CLSTN2: variants seen among roughly 807,000 people sequenced by gnomAD.
CLSTN2 encodes calsyntenin 2, also known as calsyntenin-2.
A neutral mutation model predicts 101.2 loss-of-function variants in CLSTN2; 48 were observed. The observed-to-expected ratio is 0.47, with a 90% CI of 0.38 to 0.60. The LOEUF (loss-of-function observed/expected upper bound fraction) is 0.60, where lower values mean the gene tolerates loss of function less well. Among genes scored for constraint, CLSTN2 ranks in the 20% least tolerant of loss-of-function variants. The pLI, the probability that CLSTN2 is intolerant of heterozygous loss-of-function variation, is 0.00. For missense variants in CLSTN2, 1,160 were observed against 1,238.2 expected, an observed-to-expected ratio of 0.94 and a Z score of 0.95; for synonymous variants, 481 against 463.6, an observed-to-expected ratio of 1.04 and a Z score of -0.48.
At chr3:140,324,011 A>T (rs917987261) in intron 2 of CLSTN2, among the ~76,000 whole-genome samples, 8 of 152,196 alleles carry the variant, frequency 5.3e-5, no homozygotes, top group African/African-American at 1.7e-4. Context: ...TCCTCTACCA[A>T]AGAAGAATAG....
intron 8 of CLSTN2, among the ~76,000 whole-genome samples, chr3:140,473,398 G>A (rs111816651): frequency 6.0e-4 from 92 of 152,296 alleles, no homozygotes; most frequent in African/African-American, 1.9e-3. Context: ...ATGGCAAGAC[G>A]GTGTTCGCAT....
At chr3:140,419,963 G>A (rs2088482486) in intron 4 of CLSTN2, among the ~76,000 whole-genome samples, 1 of 147,552 alleles carries the variant, frequency 6.8e-6, no homozygotes, top group African/African-American at 2.5e-5. Flanking sequence ...TGCGATCTCT[G>A]CTCACTACAA....
At chr3:140,122,555 G>A (rs951705189) in intron 1 of CLSTN2, among the ~76,000 whole-genome samples, 4 of 152,210 alleles carry the variant, frequency 2.6e-5, no homozygotes, top group South Asian at 2.1e-4. Flanking sequence ...CCTCTTGAGC[G>A]CTCTGCTGTG....
chr3:140,149,684 C>A (rs193087538), intron 1 of CLSTN2, among the ~76,000 whole-genome samples: 1 of 152,110 alleles, frequency 6.6e-6, no homozygotes, highest in Non-Finnish European at 1.5e-5. Context: ...GTCTTGATCT[C>A]TTGACCTTGT....
intron 2 of CLSTN2, among the ~76,000 whole-genome samples, chr3:140,363,069 T>C (rs1007468030): frequency 6.6e-6 from 1 of 152,154 alleles, no homozygotes; most frequent in African/African-American, 2.4e-5. Context: ...GCCCAAAAGT[T>C]AACCAAAATG....
At chr3:140,451,570 C>T (rs933229908) in intron 6 of CLSTN2, among the ~76,000 whole-genome samples, 2 of 152,154 alleles carry the variant, frequency 1.3e-5, no homozygotes, top group Middle Eastern at 3.2e-3. Context: ...TTGAACTGCA[C>T]TGGAGGAGAG....
At chr3:140,104,698 A>T (rs936499079) in intron 1 of CLSTN2, among the ~76,000 whole-genome samples, 1 of 152,186 alleles carries the variant, frequency 6.6e-6, no homozygotes, top group African/African-American at 2.4e-5. Flanking sequence ...GCAAGATTAG[A>T]TATGGTGGCT....
At chr3:140,166,910 A>G (rs902655465) in intron 1 of CLSTN2, among the ~76,000 whole-genome samples, 5 of 152,238 alleles carry the variant, frequency 3.3e-5, no homozygotes, top group African/African-American at 1.2e-4. Context: ...GAACTGATAA[A>G]AACTTAGTTC....
chr3:140,457,280 C>G (rs935266275), intron 6 of CLSTN2, among the ~76,000 whole-genome samples: 9 of 152,214 alleles, frequency 5.9e-5, no homozygotes, highest in Non-Finnish European at 8.8e-5. Context: ...CTGCATCTCT[C>G]TGGCCGTCCC....
intron 1 of CLSTN2, among the ~76,000 whole-genome samples, chr3:140,062,855 G>T (rs2008230439): frequency 6.6e-6 from 1 of 152,120 alleles, no homozygotes; most frequent in African/African-American, 2.4e-5. Flanking sequence ...TATATGAGGG[G>T]TCTCTGTAGC....
At chr3:140,125,211 G>C (rs542682533) in intron 1 of CLSTN2, among the ~76,000 whole-genome samples, 1 of 152,266 alleles carries the variant, frequency 6.6e-6, no homozygotes, top group South Asian at 2.1e-4. Flanking sequence ...GCAGTGAATA[G>C]GAGCATGAGA....
intron 2 of CLSTN2, among the ~76,000 whole-genome samples, chr3:140,371,403 G>A (rs899700587): frequency 2.6e-5 from 4 of 152,206 alleles, no homozygotes; most frequent in Non-Finnish European, 4.4e-5. Flanking sequence ...ACAAGGAGCT[G>A]TCATAACCAA....
Position 140,403,653 on chromosome 3 carries a change from A to T in CLSTN2, c.257A>T (p.His86Leu). 6.2e-7 allele frequency: 1 copy of T among 1,613,094 alleles called. No individual in the cohort carries two copies. Among genetic ancestry groups the T allele is most frequent in the Non-Finnish European group, 8.5e-7 (1 of 1,179,536 alleles). ...FAGEICAFKI[H>L]GQELPFEAVV... is the part of the protein sequence containing the mutation. ...GGGGAAATCTGTGCGTTCAAGATCC[A>T]TGGCCAGGAGCTGCCCTTTGAGGCT... is the stretch of plus-strand genomic sequence containing the variant. The change falls in exon 3 of 17, where the codon CAT becomes CTT. Residue 86 changes from histidine (H) to leucine (L), a missense_variant. Transcript: ENST00000458420.
At chr3:140,548,751 A>G (rs1325283217) in intron 10 of CLSTN2, among the ~76,000 whole-genome samples, 1 of 152,232 alleles carries the variant, frequency 6.6e-6, no homozygotes, top group Non-Finnish European at 1.5e-5. Context: ...GGCAGAGGCC[A>G]TATCAGAGCC....
At chr3:140,289,664 T>C (rs551664447) in intron 2 of CLSTN2, among the ~76,000 whole-genome samples, 1 of 152,174 alleles carries the variant, frequency 6.6e-6, no homozygotes, top group East Asian at 1.9e-4. Flanking sequence ...TTAATGTTTG[T>C]TGAATGAATG....
At chr3:140,402,954 G>A (rs1017837010) in intron 2 of CLSTN2, among the ~76,000 whole-genome samples, 24 of 152,126 alleles carry the variant, frequency 1.6e-4, no homozygotes, top group African/African-American at 5.1e-4. Flanking sequence ...AAGAGGACAT[G>A]TCTCAAATTT....
At chr3:140,032,021 A>C (rs1458863255) in intron 1 of CLSTN2, among the ~76,000 whole-genome samples, 5 of 152,166 alleles carry the variant, frequency 3.3e-5, no homozygotes, top group Admixed American at 3.3e-4. Context: ...ACACTGTTAC[A>C]TGGTGCTCTA....
intron 1 of CLSTN2, among the ~76,000 whole-genome samples, chr3:140,077,980 G>T (rs2107779759): frequency 6.6e-6 from 1 of 152,284 alleles, no homozygotes; most frequent in African/African-American, 2.4e-5. Context: ...ATGTTGCTGG[G>T]ATTGGTAGAA....
chr3:140,482,258 T>A (rs1362008500), intron 8 of CLSTN2, among the ~76,000 whole-genome samples: 1 of 152,244 alleles, frequency 6.6e-6, no homozygotes, highest in Non-Finnish European at 1.5e-5. Context: ...CGTTTATGAT[T>A]TTCGTATGTT....
Sources: gnomAD v4.1 joint callset for allele counts (sites outside exome capture counted in the v4.1 genomes callset) on GRCh38, gnomAD v4.1.1 for gene constraint, MANE v1.5 for transcripts, NCBI Gene and HGNC (gene_info 2026-07-23, HGNC 2026-07-21) for gene names.